Variants in CSGALNACT1 observed in about 807,000 individuals in gnomAD.
CSGALNACT1 encodes the protein beta4GalNAcT-1.
CSGALNACT1 carries 52 observed loss-of-function variants against 51.0 expected under a neutral mutation model. The observed-to-expected ratio is 1.02, with a 90% CI of 0.82 to 1.29. The LOEUF is 1.29. Ranked by LOEUF, CSGALNACT1 falls within the 50% of genes most tolerant of loss-of-function variation. The pLI, the probability that CSGALNACT1 is intolerant of heterozygous loss-of-function variation, is 0.00. For missense variants in CSGALNACT1, 935 were observed against 679.2 expected (o/e 1.38, Z -4.19); for synonymous variants, 341 against 254.4 (o/e 1.34, Z -3.24).
At chr8:19,570,886 T>C (rs1026749296) in intron 3 of CSGALNACT1, among the ~76,000 whole-genome samples, 1 of 152,182 alleles carries the variant, frequency 6.6e-6, no homozygotes, top group Non-Finnish European at 1.5e-5. Flanking sequence ...GCAGCCAGCC[T>C]GGGCAATGGA....
chr8:19,623,698 A>G (rs2054107473), intron 1 of CSGALNACT1, among the ~76,000 whole-genome samples: 1 of 152,256 alleles, frequency 6.6e-6, no homozygotes. Context: ...GAAAATCCCC[A>G]GGTGTTTGGA....
chr8:19,660,029 G>C (rs1215748395), intron 1 of CSGALNACT1, among the ~76,000 whole-genome samples: 1 of 152,226 alleles, frequency 6.6e-6, no homozygotes, highest in Non-Finnish European at 1.5e-5. Flanking sequence ...TATTGTCCCA[G>C]TCTTATAGAT....
At chr8:19,432,835 T>C (rs997932707) in intron 6 of CSGALNACT1, among the ~76,000 whole-genome samples, 1 of 152,182 alleles carries the variant, frequency 6.6e-6, no homozygotes, top group Admixed American at 6.5e-5. Context: ...ATGTTTTTCA[T>C]ATACTTCAGT....
intron 1 of CSGALNACT1, among the ~76,000 whole-genome samples, chr8:19,676,877 T>C (rs1450227446): frequency 6.6e-6 from 1 of 152,160 alleles, no homozygotes; most frequent in Non-Finnish European, 1.5e-5. Flanking sequence ...TGAACCATCA[T>C]GTCAAACACT....
chr8:19,682,512 C>T lies in CSGALNACT1; in HGVS notation c.-583G>A, dbSNP rs2060695092. ...AAAAAGATGACACCTGTTGTCACCC[C>T]TGCCCGGGGACGTATGGTCTTTCCC... On this transcript the variant is annotated 5_prime_UTR_variant, in exon 1 of 10. Transcript: ENST00000332246. 1.5e-5 allele frequency: 6 copies of T among 393,174 alleles called. No homozygotes were observed. The Admixed American group carries it at 1.7e-4, about 11-fold the overall frequency. 24.4% of individuals were successfully genotyped at this position (393,174 alleles called of 1,614,324 possible).
At chr8:19,624,006 A>G (rs1163317551) in intron 1 of CSGALNACT1, among the ~76,000 whole-genome samples, 2 of 152,240 alleles carry the variant, frequency 1.3e-5, no homozygotes, top group Non-Finnish European at 2.9e-5. Context: ...CAGCTACTCC[A>G]TGGAACACAA....
chr8:19,714,756 T>A (rs76485748), intron 1 of CSGALNACT1, among the ~76,000 whole-genome samples: 5 of 44,954 alleles, frequency 1.1e-4, no homozygotes, highest in Admixed American at 2.8e-4. Flanking sequence ...CCTGGGATAT[T>A]TTTTTTTTTT....
chr8:19,461,869 G>A, intron 4 of CSGALNACT1, among the ~76,000 whole-genome samples: 1 of 148,512 alleles, frequency 6.7e-6, no homozygotes, highest in Non-Finnish European at 1.5e-5. Flanking sequence ...ACCATGGAGG[G>A]CGTATCCACA....
At chr8:19,685,339 T>C (rs970455578), upstream of CSGALNACT1, among the ~76,000 whole-genome samples, 3 of 152,132 alleles carry the variant, frequency 2.0e-5, no homozygotes, top group Non-Finnish European at 4.4e-5. Context: ...CAAAACCCTG[T>C]CTCTACAAAA....
At chr8:19,742,144 G>T (rs1055923694) in intron 1 of CSGALNACT1, among the ~76,000 whole-genome samples, 1 of 152,172 alleles carries the variant, frequency 6.6e-6, no homozygotes, top group African/African-American at 2.4e-5. Flanking sequence ...AACTGAGACA[G>T]CGCTTGGCAC....
rs1400400410 is a variant in CSGALNACT1, at chr8:19,434,858, C to T, written c.953+4972G>A. Among the ~76,000 whole-genome samples the T allele has an allele frequency of 2.0e-5, 3 of 151,488 alleles. No homozygotes were observed. The East Asian group carries it at 5.8e-4, about 29-fold the overall frequency. On this transcript the variant is annotated intron_variant, in intron 6 of 9. Transcript: ENST00000454498. ...GTTTAAGAAAAAAAAAAAAGCAAAT[C>T]AACAATGCTGCTCAAATTTCTGAAA...
intron 5 of CSGALNACT1, among the ~76,000 whole-genome samples, chr8:19,445,687 C>A (rs769189275): frequency 1.3e-5 from 2 of 152,186 alleles, no homozygotes; most frequent in Admixed American, 1.3e-4. Context: ...CTGAAACTAT[C>A]TGTAATATAA....
At chr8:19,442,455 C>A (rs145355550) in intron 5 of CSGALNACT1, among the ~76,000 whole-genome samples, 173 of 151,666 alleles carry the variant, frequency 1.1e-3, no homozygotes, top group African/African-American at 3.9e-3. Flanking sequence ...TCATTCTCAG[C>A]AAACTATCAT....
intron 1 of CSGALNACT1, among the ~76,000 whole-genome samples, chr8:19,665,383 T>C (rs575445085): frequency 4.6e-5 from 7 of 152,292 alleles, no homozygotes; most frequent in Non-Finnish European, 1.0e-4. Flanking sequence ...GTATTTTAAG[T>C]GGTTACAAAT....
At chr8:19,649,819 CAAAAAAAAAAAAA>C (rs57549612) in intron 1 of CSGALNACT1, among the ~76,000 whole-genome samples, 1 of 29,398 alleles carries the variant, frequency 3.4e-5, no homozygotes, top group Admixed American at 7.2e-4. Context: ...TTCCAAGTAG[CAAAAAAAAAAAAA>C]AAAAAAAAAA....
chr8:19,727,495 G>A (rs536211133), intron 1 of CSGALNACT1, among the ~76,000 whole-genome samples: 3 of 148,418 alleles, frequency 2.0e-5, no homozygotes, highest in African/African-American at 7.5e-5. Flanking sequence ...GACTACAGGC[G>A]CGTGTCATCA....
At chr8:19,708,717 C>A (rs1437450423) in intron 1 of CSGALNACT1, among the ~76,000 whole-genome samples, 1 of 152,204 alleles carries the variant, frequency 6.6e-6, no homozygotes, top group Non-Finnish European at 1.5e-5. Flanking sequence ...TCTCCCCATT[C>A]CACTGGCCGT....
intron 3 of CSGALNACT1, among the ~76,000 whole-genome samples, chr8:19,547,375 T>C (rs1027356989): frequency 6.6e-6 from 1 of 152,198 alleles, no homozygotes; most frequent in Non-Finnish European, 1.5e-5. Flanking sequence ...ATTCTCATCT[T>C]GAATTGTAGG....
chr8:19,519,140 G>T (rs1270340994), intron 3 of CSGALNACT1, among the ~76,000 whole-genome samples: 1 of 152,152 alleles, frequency 6.6e-6, no homozygotes, highest in African/African-American at 2.4e-5. Context: ...ACAGGTAAAA[G>T]TGTTCACTTT....
Sources: gnomAD v4.1 joint callset for allele counts (sites outside exome capture counted in the v4.1 genomes callset) on GRCh38, gnomAD v4.1.1 for gene constraint, MANE v1.5 for transcripts, NCBI Gene and HGNC (gene_info 2026-07-23, HGNC 2026-07-21) for gene names.